Variants in LPL observed in about 807,000 individuals in gnomAD.
The protein encoded by LPL is phospholipase A1.
A neutral mutation model predicts 52.2 loss-of-function variants in LPL; 43 were observed. That is an observed-to-expected ratio of 0.82 (90% CI 0.64 to 1.06). LPL has a LOEUF of 1.06. Ranked by LOEUF, LPL falls within the 50% of genes least tolerant of loss-of-function variation. The pLI, the probability that LPL is intolerant of heterozygous loss-of-function variation, is 0.00. For missense variants in LPL, 639 were observed against 585.3 expected (o/e 1.09, Z -0.95); for synonymous variants, 244 against 215.6 (o/e 1.13, Z -1.15).
intron 9 of LPL, among the ~76,000 whole-genome samples, chr8:19,962,464 A>G (rs1392160443): frequency 6.6e-6 from 1 of 151,892 alleles, no homozygotes; most frequent in Non-Finnish European, 1.5e-5. Flanking sequence ...CCAGGCACAC[A>G]TTTTAGGTTT....
Position 19,965,230 on chromosome 8 carries a change from T to A in LPL, c.*-80T>A, listed in dbSNP as rs117910839. The stretch of plus-strand genomic sequence containing the variant: ...TTCCATTTGAAGGCTTTTTCCATCC[T>A]AAAACCAGTGGGGGACAGGCGGGAA... On this transcript the variant is annotated intron_variant, in intron 9 of 9. Transcript: ENST00000650287. The A allele has an allele frequency of 0.023, 17,761 of 773,910 alleles. 295 individuals are homozygous for A. Among genetic ancestry groups the A allele is most frequent in the Non-Finnish European group, 0.031 (13,029 of 414,536 alleles). The allele number at this position is 773,910 out of a possible 1,614,324, so 47.9% of individuals were successfully genotyped here.
chr8:19,940,043 G>A (rs1222573834), intron 1 of LPL, among the ~76,000 whole-genome samples: 1 of 152,154 alleles, frequency 6.6e-6, no homozygotes, highest in Non-Finnish European at 1.5e-5. Context: ...GCGGGGAGGC[G>A]TTCCGGGCAT....
intron 2 of LPL, 118 bp from the exon 3 acceptor site, chr8:19,951,651 G>C: frequency 9.3e-7 from 1 of 1,072,092 alleles, no homozygotes; most frequent in Non-Finnish European, 1.5e-6. Context: ...TTTTCTATCT[G>C]TGCCAATGGG....
chr8:19,939,399 C>G lies in LPL; in HGVS notation c.-42C>G, dbSNP rs1227105676. On this transcript the variant is annotated 5_prime_UTR_variant, in exon 1 of 10. Coordinates refer to ENST00000650287, the MANE Select transcript of LPL (RefSeq NM_000237.3). The surrounding 1 kb of genome is among the most constrained non-coding windows in gnomAD (Gnocchi z 4.0). ...CCTCCGGCTCAGCCGGCTCATCAGT[C>G]GGTCCGCGCCTTGCAGCTCCTCCAG... 6.4e-7 allele frequency: 1 copy of G among 1,561,262 alleles called. No individual in the cohort carries two copies. The highest frequency in any genetic ancestry group is 2.3e-5 in the East Asian group (1 of 42,678).
chr8:19,953,819 A>G (rs1356688698), intron 4 of LPL, among the ~76,000 whole-genome samples: 1 of 152,230 alleles, frequency 6.6e-6, no homozygotes, highest in Non-Finnish European at 1.5e-5. Flanking sequence ...ATACACACAG[A>G]GAGAAAGAAC....
chr8:19,946,039 T>A (rs1037701723), intron 1 of LPL, among the ~76,000 whole-genome samples: 13 of 152,196 alleles, frequency 8.5e-5, no homozygotes, highest in African/African-American at 3.1e-4. Flanking sequence ...AAGTATTCAA[T>A]ACTCTTCCAT....
Position 19,961,034 on chromosome 8 carries a change from G to C in LPL, c.1273G>C (p.Gly425Arg). 6.2e-7 allele frequency: 1 copy of C among 1,614,092 alleles called. No individual in the cohort carries two copies. Among genetic ancestry groups the C allele is most frequent in the Non-Finnish European group, 8.5e-7 (1 of 1,180,000 alleles). The change falls in exon 8 of 10, where the codon GGC (glycine) becomes CGC (arginine). Residue 425 changes from glycine to arginine, a missense_variant. By Grantham distance (125) the Gly-to-Arg change is moderately radical. Coordinates refer to ENST00000650287, the MANE Select transcript of LPL (RefSeq NM_000237.3). Reference sequence around the variant, plus strand: ...CTGGTCAGACTGGTGGAGCAGTCCCGGCTTCGCCATTCAGAAGATCAGAGT... The same window carrying C: ...CTGGTCAGACTGGTGGAGCAGTCCCCGCTTCGCCATTCAGAAGATCAGAGT... Reference protein sequence around the residue: ...FSWSDWWSSPGFAIQKIRVKA... With the variant: ...FSWSDWWSSPRFAIQKIRVKA...
intron 2 of LPL, among the ~76,000 whole-genome samples, chr8:19,949,608 G>A (rs1319194259): frequency 1.3e-5 from 2 of 151,886 alleles, no homozygotes; most frequent in Admixed American, 1.3e-4. Flanking sequence ...TCAGCCTCCC[G>A]AGTAGCTGGG....
In LPL at chr8:19,965,631, T is replaced by C. The variant is rs1048043604; in HGVS notation, c.*321T>C. 1 of 314,802 alleles carries C rather than the reference T, an allele frequency of 3.2e-6. No homozygotes were observed. The allele number at this position is 314,802 out of a possible 1,614,324, so 19.5% of individuals were successfully genotyped here. On this transcript the variant is annotated 3_prime_UTR_variant, in exon 10 of 10. Coordinates refer to ENST00000650287, the MANE Select transcript of LPL (RefSeq NM_000237.3). ...CGCAGAGTAAAATAAGGCTCCTTCA[T>C]GTGGCGTATTGGGCCATAGCCTATA...
chr8:19,965,183 T>C lies in LPL; in HGVS notation c.*-127T>C, dbSNP rs10283151. On this transcript the variant is annotated intron_variant, in intron 9 of 9. Transcript: ENST00000650287. ...TTATACACATCTCCCCTGGGTTTATTCTCACAACCTTTGTTCTGAAATTCC... is the reference window on the plus strand; with the variant it reads ...TTATACACATCTCCCCTGGGTTTATCCTCACAACCTTTGTTCTGAAATTCC... The C allele has an allele frequency of 0.013, 9,298 of 708,350 alleles. 521 individuals carry two copies. Among genetic ancestry groups the C allele is most frequent in the African/African-American group, 0.13 (7,269 of 57,034 alleles). 43.9% of individuals were successfully genotyped at this position (708,350 alleles called of 1,614,324 possible).
chr8:19,952,081 G>A (rs1053344780), intron 3 of LPL, 133 bp downstream of exon 3: 34 of 998,806 alleles, frequency 3.4e-5, no homozygotes, highest in Middle Eastern at 2.9e-4. Context: ...CAGAATCAGC[G>A]TGGATATTAT....
chr8:19,953,334 A>T lies in LPL; in HGVS notation c.454A>T (p.Asn152Tyr), dbSNP rs1292441763. 1 of 1,613,622 alleles carries T rather than the reference A, an allele frequency of 6.2e-7. No homozygotes were observed. The highest frequency in any genetic ancestry group is 1.1e-5 in the South Asian group (1 of 91,066). ...MEEEFNYPLD[N>Y]VHLLGYSLGA... is the part of the protein sequence containing the mutation. ...GGAGGAGTTTAACTACCCTCTGGAC[A>T]ATGTCCATCTCTTGGGATACAGCCT... Residue 152 changes from asparagine (N) to tyrosine (Y), a missense_variant, in exon 4 of 10, where the codon AAT becomes TAT. Asn to Tyr is a moderately radical substitution (Grantham distance 143). Coordinates refer to ENST00000650287, the MANE Select transcript of LPL (RefSeq NM_000237.3).
At position 19,948,196 on chromosome 8, in the gene LPL, C is replaced by T. The variant is rs145405273; in HGVS notation, c.105C>T (p.Ile35=). 24 of 1,614,096 alleles carry T rather than the reference C, an allele frequency of 1.5e-5. No individual in the cohort carries two copies. The African/African-American group carries it at 2.5e-4, about 17-fold the overall frequency. Residue 35 remains isoleucine, a synonymous_variant, in exon 2 of 10, where the codon ATC becomes ATT. Transcript: ENST00000650287. ...VAAADQRRDF[I]DIESKFALRT... is the part of the protein sequence containing the mutation. Reference sequence around the variant, plus strand: ...CCTTTCCAGAAAGAAGAGATTTTATCGACATCGAAAGTAAATTTGCCCTAA... The same window carrying T: ...CCTTTCCAGAAAGAAGAGATTTTATTGACATCGAAAGTAAATTTGCCCTAA...
At chr8:19,951,072 C>T (rs545910947) in intron 2 of LPL, among the ~76,000 whole-genome samples, 13 of 152,230 alleles carry the variant, frequency 8.5e-5, no homozygotes, top group South Asian at 2.1e-4. Context: ...CAGGCACAGA[C>T]GAAGGGAAAT....
At chr8:19,942,023 A>T (rs773673781) in intron 1 of LPL, among the ~76,000 whole-genome samples, 1 of 152,310 alleles carries the variant, frequency 6.6e-6, no homozygotes, top group Middle Eastern at 3.4e-3. Context: ...GTTGAACATG[A>T]TGGCAAAGGA....
Position 19,954,223 on chromosome 8 carries a change from G to T in LPL, c.645G>T (p.Gly215=), listed in dbSNP as rs756420241. 1.2e-6 allele frequency: 2 copies of T among 1,613,932 alleles called. No homozygotes were observed. Among genetic ancestry groups the T allele is most frequent in the Admixed American group, 3.3e-5 (2 of 59,990 alleles). ...ACGTCTTACACACATTCACCAGAGGGTCCCCTGGTCGAAGCATTGGAATCC... is the reference window on the plus strand; with the variant it reads ...ACGTCTTACACACATTCACCAGAGGTTCCCCTGGTCGAAGCATTGGAATCC... ...FVDVLHTFTR[G]SPGRSIGIQK... is the part of the protein sequence containing the mutation. The change falls in exon 5 of 10, where the codon GGG becomes GGT. Residue 215 remains glycine (G), a synonymous_variant. Transcript: ENST00000650287.
In LPL at chr8:19,962,983, C is replaced by G. The variant is rs193118446; in HGVS notation, c.1427+764C>G. On this transcript the variant is annotated intron_variant, in intron 9 of 9. Coordinates refer to ENST00000650287, the MANE Select transcript of LPL (RefSeq NM_000237.3). ...AACCCTCCACACATCCCCTGCCAGA[C>G]AGCAAGTGCTAATGGGTTACAGGAA... 1.2e-3 allele frequency among the ~76,000 whole-genome samples: 178 copies of G among 152,246 alleles called. 3 individuals are homozygous for G. Among genetic ancestry groups the G allele is most frequent in the African/African-American group, 3.9e-3 (160 of 41,548 alleles).
rs747926694 is a variant in LPL, at chr8:19,950,359, A to AT, written c.250-1405dup. 6.6e-6 allele frequency among the ~76,000 whole-genome samples: 1 copy of AT among 152,190 alleles called. No individual in the cohort carries two copies. The highest frequency in any genetic ancestry group is 2.4e-5 in the African/African-American group (1 of 41,442). ...TGAGTTGAGAAAGGTGAGTACTTAG[A>AT]TTTTTCATTTGCTTTGTTTGGGATT... is the stretch of plus-strand genomic sequence containing the variant. On this transcript the variant is annotated intron_variant, in intron 2 of 9. Coordinates refer to ENST00000650287, the MANE Select transcript of LPL (RefSeq NM_000237.3). The surrounding 1 kb of genome is among the most constrained non-coding windows in gnomAD (Gnocchi z 4.2).
chr8:19,956,924 A>C (rs2069991097), intron 6 of LPL, among the ~76,000 whole-genome samples: 1 of 152,092 alleles, frequency 6.6e-6, no homozygotes, highest in Non-Finnish European at 1.5e-5. Context: ...CCCGGGTTCA[A>C]ATGATTCCCC....
Sources: gnomAD v4.1 joint callset for allele counts (sites outside exome capture counted in the v4.1 genomes callset) on GRCh38, gnomAD v4.1.1 for gene constraint, Gnocchi (gnomAD v3.1) non-coding constraint, MANE v1.5 for transcripts, NCBI Gene and HGNC (gene_info 2026-07-23, HGNC 2026-07-21) for gene names.